The following TBCE variants were observed in gnomAD, a reference collection of about 807,000 sequenced individuals.
TBCE encodes tubulin folding cofactor E.
In TBCE, 53 loss-of-function variants were observed where a neutral mutation model predicts 77.0. The ratio of observed to expected loss-of-function variants is 0.69; its 90% confidence interval spans 0.55 to 0.87. The LOEUF (loss-of-function observed/expected upper bound fraction) is 0.87, where lower values mean the gene tolerates loss of function less well. TBCE is among the 40% of genes least tolerant of loss of function. The probability of loss-of-function intolerance (pLI) is 0.00; values close to 1 mark genes in which losing one functional copy is unlikely to be tolerated. For missense variants in TBCE, 624 were observed against 622.4 expected, an observed-to-expected ratio of 1.00 and a Z score of -0.03; for synonymous variants, 235 against 241.3, an observed-to-expected ratio of 0.97 and a Z score of 0.24.
At chr1:235,440,379 C>T (rs901208134) in intron 13 of TBCE, among the ~76,000 whole-genome samples, 1 of 151,998 alleles carries the variant, frequency 6.6e-6, no homozygotes, top group African/African-American at 2.4e-5. Flanking sequence ...CAGTTTATGT[C>T]TGAGGCATCC....
At position 235,450,329 on chromosome 1, in the gene TBCE, CCA is replaced by C; in HGVS notation, c.*1570_*1571del. On this transcript the variant is annotated 3_prime_UTR_variant, in exon 17 of 17. Transcript: ENST00000642610. ...CTGTCTCACAGGTCTTCTCACACAG[CCA>C]CAGACTGTCCTGTTGAGAAACAACC... 4 of 1,614,038 alleles carry C rather than the reference CCA, an allele frequency of 2.5e-6. No individual in the cohort carries two copies. Among genetic ancestry groups the C allele is most frequent in the Non-Finnish European group, 3.4e-6 (4 of 1,179,926 alleles).
At chr1:235,424,752 G>T (rs1054484037) in intron 5 of TBCE, among the ~76,000 whole-genome samples, 8 of 151,586 alleles carry the variant, frequency 5.3e-5, no homozygotes, top group South Asian at 2.1e-4. Flanking sequence ...TGATCCGCCC[G>T]CCTCGGCCAC....
intron 2 of TBCE, among the ~76,000 whole-genome samples, chr1:235,398,405 A>G (rs945222584): frequency 4.6e-4 from 70 of 151,984 alleles, no homozygotes; most frequent in African/African-American, 2.9e-4. Context: ...CTTGGCCTCC[A>G]TAAGTGCTGG....
intron 3 of TBCE, among the ~76,000 whole-genome samples, chr1:235,413,121 A>G (rs1443961605): frequency 2.0e-5 from 3 of 152,152 alleles, no homozygotes; most frequent in African/African-American, 7.2e-5. Flanking sequence ...GGTGACTTCT[A>G]AAAAGGTCTG....
At chr1:235,400,446 G>C (rs1396935016) in intron 2 of TBCE, among the ~76,000 whole-genome samples, 1 of 116,190 alleles carries the variant, frequency 8.6e-6, no homozygotes, top group Non-Finnish European at 1.6e-5. Context: ...TGTCGCCTAG[G>C]CTGGGGTGCA....
At chr1:235,386,902 GCT>G (rs1331902251) in intron 2 of TBCE, among the ~76,000 whole-genome samples, 1 of 152,114 alleles carries the variant, frequency 6.6e-6, no homozygotes, top group Non-Finnish European at 1.5e-5. Context: ...CAGTTTTTCT[GCT>G]CTGTTTTTTC....
At chr1:235,388,511 A>G (rs1476328100) in intron 2 of TBCE, among the ~76,000 whole-genome samples, 1 of 151,214 alleles carries the variant, frequency 6.6e-6, no homozygotes, top group Non-Finnish European at 1.5e-5. Flanking sequence ...CTGGTCTCGA[A>G]CTCCTGACCT....
Position 235,451,892 on chromosome 1 carries a change from T to C in TBCE, c.*3130T>C, listed in dbSNP as rs947792200. 3 of 152,252 alleles carry C rather than the reference T, an allele frequency of 2.0e-5. No homozygotes were observed. The highest frequency in any genetic ancestry group is 7.2e-5 in the African/African-American group (3 of 41,470). 9.4% of individuals were successfully genotyped at this position (152,252 alleles called of 1,614,324 possible). On this transcript the variant is annotated 3_prime_UTR_variant, in exon 17 of 17. Coordinates refer to ENST00000642610, the MANE Select transcript of TBCE (RefSeq NM_003193.5). ...TTTTGGTCTCTGCAGATTCATTTTT[T>C]TTTCTGGTTCAGCAATACTGTGTTT...
intron 2 of TBCE, among the ~76,000 whole-genome samples, chr1:235,380,906 C>G (rs1362420734): frequency 6.6e-6 from 1 of 152,116 alleles, no homozygotes; most frequent in African/African-American, 2.4e-5. Flanking sequence ...CTGCCTCAGT[C>G]TCTCGAGTAG....
intron 1 of TBCE, among the ~76,000 whole-genome samples, chr1:235,375,652 C>T (rs1354146118): frequency 1.3e-5 from 2 of 152,066 alleles, no homozygotes; most frequent in Non-Finnish European, 2.9e-5. Flanking sequence ...GCATAGGTCA[C>T]CAAGACATGG....
chr1:235,450,341 C>G lies in TBCE; in HGVS notation c.*1579C>G, dbSNP rs1205769722. ...TCTTCTCACACAGCCACAGACTGTC[C>G]TGTTGAGAAACAACCAAAGCCGATC... On this transcript the variant is annotated 3_prime_UTR_variant, in exon 17 of 17. Transcript: ENST00000642610. 9.9e-6 allele frequency: 16 copies of G among 1,613,792 alleles called. No homozygotes were observed. Among genetic ancestry groups the G allele is most frequent in the Non-Finnish European group, 1.3e-5 (15 of 1,179,852 alleles).
chr1:235,431,864 GT>G (rs988407579), intron 7 of TBCE, among the ~76,000 whole-genome samples: 7 of 150,802 alleles, frequency 4.6e-5, no homozygotes, highest in African/African-American at 1.7e-4. Flanking sequence ...TAGAGACAGA[GT>G]TTCTCCATGT....
At chr1:235,444,555 C>T (rs919803597) in intron 15 of TBCE, among the ~76,000 whole-genome samples, 1 of 152,142 alleles carries the variant, frequency 6.6e-6, no homozygotes, top group Non-Finnish European at 1.5e-5. Flanking sequence ...AGGCACGAAC[C>T]ACCACACCCC....
At chr1:235,370,437 G>T (rs1413986104) in intron 1 of TBCE, among the ~76,000 whole-genome samples, 4 of 151,596 alleles carry the variant, frequency 2.6e-5, no homozygotes, top group Admixed American at 2.6e-4. Context: ...ATTTTTAGTA[G>T]AGATGGGGTT....
rs71174425 is a variant in TBCE at position 235,400,408 on chromosome 1, C to CTTTTTTTTTTTTTTTTTTTTTTTTTT, written c.101-1085_101-1084insTTTTTTTTTTTTTTTTTTTTTTTTTT. Among the ~76,000 whole-genome samples, 4 of 106,030 alleles carry CTTTTTTTTTTTTTTTTTTTTTTTTTT rather than the reference C, an allele frequency of 3.8e-5. 1 individual carries two copies. Among genetic ancestry groups the CTTTTTTTTTTTTTTTTTTTTTTTTTT allele is most frequent in the Admixed American group, 2.1e-4 (2 of 9,490 alleles). The allele number at this position is 106,030 out of a possible 152,430, so 69.6% of individuals were successfully genotyped here. A position where few individuals can be genotyped will look rare whatever the true frequency, so the allele number is the denominator to read the frequency against. On this transcript the variant is annotated intron_variant, in intron 2 of 16. Coordinates refer to ENST00000642610, the MANE Select transcript of TBCE (RefSeq NM_003193.5). ...ATTGAAGGAAAAAATTATTTTTCCT[C>CTTTTTTTTTTTTTTTTTTTTTTTTTT]TTTTTTTTTTGAGATGGAGTCTCGC... is the stretch of plus-strand genomic sequence containing the variant.
intron 11 of TBCE, among the ~76,000 whole-genome samples, chr1:235,436,899 A>G (rs1681485620): frequency 6.6e-6 from 1 of 151,076 alleles, no homozygotes; most frequent in African/African-American, 2.4e-5. Flanking sequence ...CGGGCGGATC[A>G]CCTGAGGTCG....
chr1:235,401,464 C>T (rs1679098109), intron 2 of TBCE, 39 bp from the exon 3 acceptor site: 1 of 1,557,654 alleles, frequency 6.4e-7, no homozygotes, highest in South Asian at 1.1e-5. Flanking sequence ...TTGCCTGTAT[C>T]ATCATCTGTT....
At chr1:235,373,086 C>T (rs1677073292) in intron 1 of TBCE, among the ~76,000 whole-genome samples, 1 of 152,020 alleles carries the variant, frequency 6.6e-6, no homozygotes, top group Non-Finnish European at 1.5e-5. Flanking sequence ...GTAATCCCAG[C>T]ACTTTGGGAA....
intron 3 of TBCE, among the ~76,000 whole-genome samples, chr1:235,405,584 C>G (rs1308628386): frequency 6.6e-6 from 1 of 150,914 alleles, no homozygotes; most frequent in East Asian, 1.9e-4. Context: ...TGCAGTGAGC[C>G]AAGATCACAC....
Sources: allele counts gnomAD v4.1 joint callset (sites outside exome capture counted in the v4.1 genomes callset), GRCh38; gene constraint gnomAD v4.1.1; transcripts MANE v1.5; gene names NCBI Gene and HGNC (gene_info 2026-07-23, HGNC 2026-07-21).